Variants in MPPED1 observed in about 807,000 individuals in gnomAD.
MPPED1 encodes the protein metallophosphoesterase domain containing 1, also known as metallophosphoesterase domain-containing protein 1.
Under a neutral mutation model 36.2 loss-of-function variants are expected in MPPED1, and 16 were observed. The ratio of observed to expected loss-of-function variants is 0.44; its 90% CI spans 0.30 to 0.67. The LOEUF is 0.67. MPPED1 is among the 30% of genes least tolerant of loss of function. The probability of loss-of-function intolerance (pLI) is 0.10; values close to 1 mark genes in which losing one functional copy is unlikely to be tolerated. For synonymous variants in MPPED1, 199 were observed against 191.3 expected, an observed-to-expected ratio of 1.04 and a Z score of -0.33; for missense variants, 307 against 453.4, an observed-to-expected ratio of 0.68 and a Z score of 2.93.
In MPPED1 at chr22:43,435,233, C is replaced by CG; in HGVS notation, c.406+21dup. On this transcript the variant is annotated intron_variant, in intron 3 of 6. Transcript: ENST00000443721. ...GTGGCTGGGTAGGTCCCTCCTGCCC[C>CG]GGGCGGGCGGCTGTGCTGAGCAGGA... is the stretch of plus-strand genomic sequence containing the variant. 1 of 1,593,626 alleles carries CG rather than the reference C, an allele frequency of 6.3e-7. No homozygotes were observed. The highest frequency in any genetic ancestry group is 8.5e-7 in the Non-Finnish European group (1 of 1,175,544).
At chr22:43,491,219 T>C (rs1211990772) in intron 4 of MPPED1, among the ~76,000 whole-genome samples, 1 of 152,212 alleles carries the variant, frequency 6.6e-6, no homozygotes, top group African/African-American at 2.4e-5. Flanking sequence ...TCAGGAGGGC[T>C]CCATGATAAT....
intron 1 of MPPED1, among the ~76,000 whole-genome samples, chr22:43,413,379 CA>C (rs569176150): frequency 1.2e-3 from 139 of 111,674 alleles, no homozygotes; most frequent in Middle Eastern, 4.6e-3. Context: ...CTGGACTTTG[CA>C]AAAAAAAAAA....
chr22:43,501,967 C>G, intron 5 of MPPED1, among the ~76,000 whole-genome samples: 1 of 152,074 alleles, frequency 6.6e-6, no homozygotes, highest in East Asian at 1.9e-4. Context: ...CTCACCCAAA[C>G]AGAGAGGGGC....
chr22:43,431,021 A>ATTTTTTTTTTTTTTTTTTT (rs135076), intron 2 of MPPED1, among the ~76,000 whole-genome samples: 1 of 42,278 alleles, frequency 2.4e-5, no homozygotes, highest in African/African-American at 6.6e-5. Flanking sequence ...GTTGTTGTTA[A>ATTTTTTTTTTTTTTTTTTT]TTTTTTTTTT....
chr22:43,500,899 G>C (rs184734414), intron 5 of MPPED1, among the ~76,000 whole-genome samples: 1 of 152,086 alleles, frequency 6.6e-6, no homozygotes, highest in Admixed American at 6.5e-5. Flanking sequence ...TGGAGGAGGA[G>C]GGTGAGGTAG....
intron 4 of MPPED1, among the ~76,000 whole-genome samples, chr22:43,475,562 A>ATG (rs1931530033): frequency 5.3e-5 from 1 of 18,908 alleles, no homozygotes; most frequent in Non-Finnish European, 1.5e-4. Context: ...GATGGTGGTG[A>ATG]TGATGATGGT....
chr22:43,449,422 A>ACCCCCCCCCCCCCCCCCCCCCCC (rs135045), intron 3 of MPPED1, among the ~76,000 whole-genome samples: 1 of 127,324 alleles, frequency 7.9e-6, no homozygotes, highest in African/African-American at 2.9e-5. Flanking sequence ...GACAGTGCCA[A>ACCCCCCCCCCCCCCCCCCCCCCC]CCCCCCCCGC....
At chr22:43,466,638 A>T (rs947772336) in intron 3 of MPPED1, among the ~76,000 whole-genome samples, 3 of 141,066 alleles carry the variant, frequency 2.1e-5, no homozygotes, top group Non-Finnish European at 4.7e-5. Context: ...ACAGCAAATA[A>T]CTACACAAGC....
intron 3 of MPPED1, among the ~76,000 whole-genome samples, chr22:43,456,963 G>A (rs536249862): frequency 6.6e-6 from 1 of 152,280 alleles, no homozygotes; most frequent in East Asian, 1.9e-4. Context: ...TTTGGTGATG[G>A]TGTATAATAC....
At chr22:43,461,584 G>A (rs551390630) in intron 3 of MPPED1, among the ~76,000 whole-genome samples, 20 of 152,272 alleles carry the variant, frequency 1.3e-4, no homozygotes, top group South Asian at 2.1e-4. Context: ...TTTGTTTATA[G>A]CAGCCACAAA....
chr22:43,430,317 C>T (rs135078), intron 2 of MPPED1, among the ~76,000 whole-genome samples: 50,582 of 152,042 alleles, frequency 0.33, 9,365 homozygotes, highest in East Asian at 0.73. Flanking sequence ...GAACCAAGAG[C>T]AGGATCCAGA....
intron 3 of MPPED1, among the ~76,000 whole-genome samples, chr22:43,470,101 A>G (rs915848743): frequency 6.9e-6 from 1 of 144,798 alleles, no homozygotes; most frequent in African/African-American, 2.7e-5. Context: ...CCATCCATCC[A>G]TAAATCATCC....
At chr22:43,413,875 G>A (rs1928990426) in intron 1 of MPPED1, among the ~76,000 whole-genome samples, 1 of 152,208 alleles carries the variant, frequency 6.6e-6, no homozygotes, top group South Asian at 2.1e-4. Context: ...GTGTGGGACT[G>A]CCTTCCTATT....
intron 3 of MPPED1, among the ~76,000 whole-genome samples, chr22:43,457,725 T>C (rs886108434): frequency 2.0e-5 from 3 of 152,356 alleles, no homozygotes; most frequent in African/African-American, 7.2e-5. Context: ...TTTTACCTTA[T>C]AACAATCTAG....
intron 4 of MPPED1, among the ~76,000 whole-genome samples, chr22:43,486,945 C>T (rs911407815): frequency 2.0e-5 from 3 of 152,102 alleles, no homozygotes; most frequent in Admixed American, 2.0e-4. Flanking sequence ...CTGTTTTCAT[C>T]GCTGATATGG....
At chr22:43,456,717 A>T (rs544462055) in intron 3 of MPPED1, among the ~76,000 whole-genome samples, 1 of 152,118 alleles carries the variant, frequency 6.6e-6, no homozygotes, top group African/African-American at 2.4e-5. Context: ...ACTGGTCTTG[A>T]ACTCCTGGCC....
intron 4 of MPPED1, among the ~76,000 whole-genome samples, chr22:43,488,166 T>C (rs1931970904): frequency 6.6e-6 from 1 of 152,114 alleles, no homozygotes; most frequent in Non-Finnish European, 1.5e-5. Flanking sequence ...GTCTGCTCTG[T>C]GTCCCATTGA....
At chr22:43,498,598 T>C (rs1025976265) in intron 5 of MPPED1, among the ~76,000 whole-genome samples, 1 of 152,040 alleles carries the variant, frequency 6.6e-6, no homozygotes, top group Non-Finnish European at 1.5e-5. Flanking sequence ...CACCTGCCCA[T>C]TTGACAGGTG....
chr22:43,458,298 T>C (rs796670694), intron 3 of MPPED1, among the ~76,000 whole-genome samples: 6 of 152,170 alleles, frequency 3.9e-5, no homozygotes, highest in African/African-American at 1.4e-4. Context: ...GTCTTTTTTT[T>C]TTTTTTGAGA....
Sources: allele counts gnomAD v4.1 joint callset (sites outside exome capture counted in the v4.1 genomes callset), GRCh38; gene constraint gnomAD v4.1.1; transcripts MANE v1.5; gene names NCBI Gene and HGNC (gene_info 2026-07-23, HGNC 2026-07-21).